The following GRM1 variants were observed in gnomAD, a reference collection of about 807,000 sequenced individuals.
The protein encoded by GRM1 is metabotropic glutamate receptor 1.
Under a neutral mutation model 90.9 loss-of-function variants are expected in GRM1, and 33 were observed. That is an observed-to-expected ratio of 0.36 (90% CI 0.28 to 0.49). The LOEUF is 0.49. Among genes scored for constraint, GRM1 ranks in the 20% least tolerant of loss-of-function variants. The pLI is 0.99. For synonymous variants in GRM1, 700 were observed against 613.2 expected (o/e 1.14, Z -2.09); for missense variants, 1,190 against 1,534.3 (o/e 0.78, Z 3.75).
rs546476871 is a variant in GRM1, at chr6:146,198,843, G to A, written c.950+39246G>A. ...TCCCAGGAACCCAGCCAATTCCTCA[G>A]TAAGATGTTTCCAGATCTGAAAATT... is the stretch of plus-strand genomic sequence containing the variant. On this transcript the variant is annotated intron_variant, in intron 2 of 7. Transcript: ENST00000282753. Among the ~76,000 whole-genome samples the A allele has an allele frequency of 1.7e-4, 26 of 152,300 alleles. 1 individual carries two copies. The South Asian group carries it at 5.4e-3, about 32-fold the overall frequency.
At chr6:146,253,296 G>A (rs978282302) in intron 2 of GRM1, among the ~76,000 whole-genome samples, 1 of 152,096 alleles carries the variant, frequency 6.6e-6, no homozygotes, top group Non-Finnish European at 1.5e-5. Context: ...GATGAGGACT[G>A]TACTATAGGA....
chr6:146,238,244 G>T (rs1208313943), intron 2 of GRM1, among the ~76,000 whole-genome samples: 3 of 152,116 alleles, frequency 2.0e-5, no homozygotes, highest in Admixed American at 6.6e-5. Flanking sequence ...AATGAAAAAT[G>T]GATAGGACCT....
intron 1 of GRM1, among the ~76,000 whole-genome samples, chr6:146,118,312 T>C (rs1419294495): frequency 1.3e-5 from 2 of 151,980 alleles, no homozygotes; most frequent in Admixed American, 6.6e-5. Flanking sequence ...GCTAATTTTT[T>C]GTATTTTTAG....
At chr6:146,133,684 G>C (rs1197700645) in intron 1 of GRM1, among the ~76,000 whole-genome samples, 1 of 152,162 alleles carries the variant, frequency 6.6e-6, no homozygotes, top group Non-Finnish European at 1.5e-5. Context: ...GATGATCAAA[G>C]CACCTGGGAC....
At chr6:146,259,891 A>G (rs1289775953) in intron 2 of GRM1, among the ~76,000 whole-genome samples, 2 of 150,866 alleles carry the variant, frequency 1.3e-5, no homozygotes, top group Non-Finnish European at 3.0e-5. Context: ...CAGGAGCTGT[A>G]TCATTTTATA....
At chr6:146,412,307 T>A (rs1406639195) in intron 7 of GRM1, among the ~76,000 whole-genome samples, 1 of 151,506 alleles carries the variant, frequency 6.6e-6, no homozygotes, top group Non-Finnish European at 1.5e-5. Flanking sequence ...CATTTAGGAT[T>A]GACCTGAGAG....
At chr6:146,270,912 T>TCTTTCTTTCTTTCTTTCTTC (rs1782121052) in intron 2 of GRM1, among the ~76,000 whole-genome samples, 28 of 86,820 alleles carry the variant, frequency 3.2e-4, no homozygotes, top group Non-Finnish European at 4.5e-4. Flanking sequence ...TTTCTTTCTT[T>TCTTTCTTTCTTTCTTTCTTC]CTTCCTTCCT....
chr6:146,078,430 T>C (rs1776259265), intron 1 of GRM1, among the ~76,000 whole-genome samples: 1 of 152,210 alleles, frequency 6.6e-6, no homozygotes, highest in Non-Finnish European at 1.5e-5. Context: ...AGATTCTGGC[T>C]GTTCAGCACA....
At chr6:146,181,846 T>A (rs1254901239) in intron 2 of GRM1, among the ~76,000 whole-genome samples, 3 of 152,112 alleles carry the variant, frequency 2.0e-5, no homozygotes, top group Non-Finnish European at 2.9e-5. Flanking sequence ...CAATTAGTAA[T>A]CATTTTTCAA....
intron 2 of GRM1, among the ~76,000 whole-genome samples, chr6:146,299,936 C>G (rs1359872351): frequency 6.6e-6 from 1 of 152,066 alleles, no homozygotes; most frequent in Non-Finnish European, 1.5e-5. Flanking sequence ...ATTTCTTGCT[C>G]AAGAAATTAA....
intron 5 of GRM1, among the ~76,000 whole-genome samples, chr6:146,386,216 TA>T (rs1050111321): frequency 7.9e-5 from 12 of 152,064 alleles, no homozygotes; most frequent in African/African-American, 2.9e-4. Flanking sequence ...TGAAAGTGTT[TA>T]CCAAGCAAAC....
rs1177339488 is a variant in GRM1, at chr6:146,435,968, TTCTA to T, written c.*1175_*1178del. On this transcript the variant is annotated 3_prime_UTR_variant, in exon 8 of 8. Transcript: ENST00000282753. The stretch of plus-strand genomic sequence containing the variant: ...TATTACTGGTTTAAATGACAAATAA[TTCTA>T]TCCTATTGTCACTGAAGTCCTTGTA... The T allele has an allele frequency of 6.6e-6, 1 of 152,662 alleles. No homozygotes were observed. The highest frequency in any genetic ancestry group is 2.4e-5 in the African/African-American group (1 of 41,472). The allele number at this position is 152,662 out of a possible 1,614,324, so 9.5% of individuals were successfully genotyped here. A position where few individuals can be genotyped will look rare whatever the true frequency, so the allele number is the denominator to read the frequency against.
At chr6:146,242,241 C>T (rs1029826922) in intron 2 of GRM1, among the ~76,000 whole-genome samples, 1 of 152,102 alleles carries the variant, frequency 6.6e-6, no homozygotes, top group African/African-American at 2.4e-5. Flanking sequence ...TATATGAGCT[C>T]TAATCCTCAC....
chr6:146,125,463 GC>G (rs139720908), intron 1 of GRM1, among the ~76,000 whole-genome samples: 115 of 136,194 alleles, frequency 8.4e-4, no homozygotes, highest in African/African-American at 2.8e-3. Context: ...TTCTTTCTCT[GC>G]CCCCCCCTCA....
intron 3 of GRM1, among the ~76,000 whole-genome samples, chr6:146,320,292 C>A (rs901342771): frequency 2.0e-5 from 3 of 152,144 alleles, no homozygotes; most frequent in Non-Finnish European, 4.4e-5. Flanking sequence ...GTTGAACCAG[C>A]CTTGCATACC....
intron 2 of GRM1, among the ~76,000 whole-genome samples, chr6:146,181,856 A>G (rs1778564293): frequency 1.3e-5 from 2 of 152,146 alleles, no homozygotes; most frequent in Non-Finnish European, 2.9e-5. Flanking sequence ...TCATTTTTCA[A>G]TAAGATTTAT....
At chr6:146,409,773 G>A (rs941276405) in intron 7 of GRM1, among the ~76,000 whole-genome samples, 2 of 152,080 alleles carry the variant, frequency 1.3e-5, no homozygotes, top group Non-Finnish European at 2.9e-5. Flanking sequence ...AACAGAGTAA[G>A]GGAAGCCTTC....
rs71028383 is a variant in GRM1, at chr6:146,235,701, CGTGTGTGTGTGTGTGTGTGTGTGTGT to C, written c.951-68891_951-68866del. Among the ~76,000 whole-genome samples, 5 of 102,776 alleles carry C rather than the reference CGTGTGTGTGTGTGTGTGTGTGTGTGT, an allele frequency of 4.9e-5. No homozygotes were observed. The Admixed American group carries it at 5.0e-4, about 10-fold the overall frequency. 67.4% of individuals were successfully genotyped at this position (102,776 alleles called of 152,430 possible). ...TCAAAGACATTTTCATCTCTGTTAC[CGTGTGTGTGTGTGTGTGTGTGTGTGT>C]GTGTGTGTGTGTGTGTGTTTCGGTG... On this transcript the variant is annotated intron_variant, in intron 2 of 7. Transcript: ENST00000282753.
At chr6:146,363,813 C>A (rs559475130) in intron 5 of GRM1, among the ~76,000 whole-genome samples, 11 of 152,322 alleles carry the variant, frequency 7.2e-5, no homozygotes, top group Admixed American at 2.6e-4. Context: ...CTTATCATTT[C>A]CACTTTGCAG....
Sources: gnomAD v4.1 joint callset for allele counts (sites outside exome capture counted in the v4.1 genomes callset) on GRCh38, gnomAD v4.1.1 for gene constraint, MANE v1.5 for transcripts, NCBI Gene and HGNC (gene_info 2026-07-23, HGNC 2026-07-21) for gene names.